WDR36: variants seen among roughly 807,000 people sequenced by gnomAD.
The protein encoded by WDR36 is WD repeat-containing protein 36.
In WDR36, 63 loss-of-function variants were observed where a neutral mutation model predicts 112.7. The observed-to-expected ratio is 0.56, with a 90% CI of 0.46 to 0.69. WDR36 has a LOEUF of 0.69. Ranked by LOEUF, WDR36 falls within the 30% of genes least tolerant of loss-of-function variation. The pLI is 0.00. For synonymous variants in WDR36, 410 were observed against 362.2 expected (o/e 1.13, Z -1.50); for missense variants, 1,226 against 1,070.3 (o/e 1.15, Z -2.03).
intron 2 of WDR36, 122 bp downstream of exon 2, chr5:111,095,069 A>G (rs772586594): frequency 1.1e-5 from 10 of 875,142 alleles, no homozygotes; most frequent in Middle Eastern, 2.2e-4. Context: ...ATAAACTTAC[A>G]TTATCAGCAA....
In WDR36 at chr5:111,126,831, T is replaced by A. The variant is rs1461088321; in HGVS notation, c.2636T>A (p.Leu879His). 2 of 1,613,124 alleles carry A rather than the reference T, an allele frequency of 1.2e-6. No homozygotes were observed. Among genetic ancestry groups the A allele is most frequent in the Non-Finnish European group, 1.7e-6 (2 of 1,179,734 alleles). Residue 879 changes from leucine (L) to histidine (H), a missense_variant, in exon 23 of 23, where the codon CTC (leucine) becomes CAC (histidine). Transcript: ENST00000513710. ...GAAAACTGGACCCATTTGCAATCAC[T>A]CTTCAATCAAAGCATGTGTATTTTA... is the stretch of plus-strand genomic sequence containing the variant. Reference protein sequence around the residue: ...VEENWTHLQSLFNQSMCILNY... With the variant: ...VEENWTHLQSHFNQSMCILNY...
chr5:111,097,632 T>G (rs1753021341), intron 3 of WDR36, among the ~76,000 whole-genome samples: 2 of 152,356 alleles, frequency 1.3e-5, no homozygotes, highest in African/African-American at 4.8e-5. Context: ...GTTCGCTGTT[T>G]AGAGAAAGCT....
intron 1 of WDR36, among the ~76,000 whole-genome samples, chr5:111,094,396 A>G (rs751345905): frequency 2.0e-5 from 3 of 152,156 alleles, no homozygotes; most frequent in Non-Finnish European, 4.4e-5. Context: ...GGGGTCAGCA[A>G]ATTACAGTCT....
intron 3 of WDR36, 67 bp from the exon 4 acceptor site, chr5:111,098,655 T>C (rs1325863716): frequency 6.7e-6 from 7 of 1,040,898 alleles, no homozygotes; most frequent in Admixed American, 5.1e-5. Context: ...GTTTTTGGGA[T>C]AATATGAATA....
chr5:111,107,168 C>A, intron 11 of WDR36, 126 bp from the exon 12 acceptor site: 1 of 1,044,306 alleles, frequency 9.6e-7, no homozygotes, highest in Non-Finnish European at 1.4e-6. Flanking sequence ...AAACATATTG[C>A]TATCAGATAT....
chr5:111,125,387 A>C (rs975135330), intron 21 of WDR36, among the ~76,000 whole-genome samples: 3 of 152,182 alleles, frequency 2.0e-5, no homozygotes, highest in Admixed American at 6.5e-5. Flanking sequence ...TTACAGAAAA[A>C]AAATGTGTTT....
intron 6 of WDR36, among the ~76,000 whole-genome samples, chr5:111,102,726 C>T (rs957255221): frequency 2.0e-5 from 3 of 151,274 alleles, no homozygotes; most frequent in South Asian, 2.1e-4. Flanking sequence ...GCAATGCAAG[C>T]GGTATTGTAA....
At position 111,110,256 on chromosome 5, in the gene WDR36, A is replaced by G; in HGVS notation, c.1394A>G (p.Tyr465Cys). 2 of 1,611,206 alleles carry G rather than the reference A, an allele frequency of 1.2e-6. No homozygotes were observed. Among genetic ancestry groups the G allele is most frequent in the Non-Finnish European group, 1.7e-6 (2 of 1,177,810 alleles). Reference protein sequence around the residue: ...IGLSSGTVDVYNMQSGIHRGS... With the variant: ...IGLSSGTVDVCNMQSGIHRGS... ...CTCTCATCAGGAACTGTAGATGTAT[A>G]TAACATGCAGTCTGGCATACATCGA... is the stretch of plus-strand genomic sequence containing the variant. The change falls in exon 13 of 23, where the codon TAT becomes TGT. Residue 465 changes from tyrosine (Y) to cysteine (C), a missense_variant. Coordinates refer to ENST00000513710, the MANE Select transcript of WDR36 (RefSeq NM_139281.3).
intron 17 of WDR36, among the ~76,000 whole-genome samples, chr5:111,119,745 T>C (rs1188423807): frequency 1.3e-5 from 2 of 152,050 alleles, no homozygotes; most frequent in African/African-American, 4.8e-5. Context: ...AATGTTATAA[T>C]TACATTTGAA....
Position 111,106,120 on chromosome 5 carries a change from C to T in WDR36, c.1157C>T (p.Pro386Leu), listed in dbSNP as rs1561704388. The stretch of plus-strand genomic sequence containing the variant: ...CAGAATACCATGTCAGTGAGACTTC[C>T]ACCCATCACAAAGTTTGCAGCAGGT... ...GLQNTMSVRL[P>L]PITKFAAEEA... Residue 386 changes from proline to leucine, a missense_variant, in exon 11 of 23, where the codon CCA becomes CTA. Coordinates refer to ENST00000513710, the MANE Select transcript of WDR36 (RefSeq NM_139281.3). 1.2e-6 allele frequency: 2 copies of T among 1,609,926 alleles called. No homozygotes were observed. Among genetic ancestry groups the T allele is most frequent in the African/African-American group, 1.3e-5 (1 of 74,772 alleles).
chr5:111,104,432 G>C, intron 8 of WDR36, 80 bp downstream of exon 8: 2 of 1,569,902 alleles, frequency 1.3e-6, no homozygotes, highest in Non-Finnish European at 1.8e-6. Flanking sequence ...TAATGTATCA[G>C]CTTTCAACCT....
intron 16 of WDR36, 28 bp downstream of exon 16, chr5:111,113,181 C>A: frequency 7.4e-7 from 1 of 1,355,954 alleles, no homozygotes; most frequent in South Asian, 1.2e-5. Context: ...ATTCCCTAAC[C>A]TCTATAAGAT....
At chr5:111,122,154 T>G (rs1753580445) in intron 19 of WDR36, among the ~76,000 whole-genome samples, 1 of 152,218 alleles carries the variant, frequency 6.6e-6, no homozygotes, top group Admixed American at 6.5e-5. Flanking sequence ...GTGTGGAATC[T>G]CTTCATCATG....
At position 111,104,707 on chromosome 5, in the gene WDR36, T is replaced by G. The variant is rs769643194; in HGVS notation, c.917T>G (p.Phe306Cys). ...TTTATTTCTTGGCAGATATGGATAT[T>G]TGATGGTCCTACAGGTGAAGGCCGA... ...GADNALRIWIFDGPTGEGRLL... is the reference protein window; with the variant it reads ...GADNALRIWICDGPTGEGRLL... Residue 306 changes from phenylalanine (F) to cysteine (C), a missense_variant, in exon 9 of 23, where the codon TTT becomes TGT. Coordinates refer to ENST00000513710, the MANE Select transcript of WDR36 (RefSeq NM_139281.3). 1.2e-6 allele frequency: 2 copies of G among 1,611,138 alleles called. No homozygotes were observed. Among genetic ancestry groups the G allele is most frequent in the Admixed American group, 1.7e-5 (1 of 59,812 alleles).
chr5:111,100,537 A>G, intron 4 of WDR36, 52 bp from the exon 5 acceptor site: 2 of 1,260,902 alleles, frequency 1.6e-6, no homozygotes, highest in Non-Finnish European at 2.2e-6. Context: ...ATGGTTACAT[A>G]AAACATTTTA....
At chr5:111,126,179 T>G (rs1398054002) in intron 22 of WDR36, among the ~76,000 whole-genome samples, 1 of 152,058 alleles carries the variant, frequency 6.6e-6, no homozygotes, top group South Asian at 2.1e-4. Context: ...CTTTTTTTAG[T>G]GGTTAGTTAC....
Position 111,103,888 on chromosome 5 carries a change from G to T in WDR36, c.700G>T (p.Gly234Ter). The change falls in exon 7 of 23, where the codon GGA becomes TGA. Residue 234 changes from glycine (G) to a stop codon, truncating the protein, a stop_gained. Coordinates refer to ENST00000513710, the MANE Select transcript of WDR36 (RefSeq NM_139281.3). LOFTEE classifies it high-confidence loss of function. ...ETLMKFRQDW[G>*]PITSISFRTD... is the part of the protein sequence containing the mutation. ...ATTAATGAAGTTTCGTCAAGACTGGGGACCCATTACTTCAATTTCATTTCG... is the reference window on the plus strand; with the variant it reads ...ATTAATGAAGTTTCGTCAAGACTGGTGACCCATTACTTCAATTTCATTTCG... 6.2e-7 allele frequency: 1 copy of T among 1,611,094 alleles called. No homozygotes were observed. The highest frequency in any genetic ancestry group is 8.5e-7 in the Non-Finnish European group (1 of 1,178,162).
chr5:111,104,551 C>A, intron 8 of WDR36, 146 bp from the exon 9 acceptor site: 1 of 1,388,150 alleles, frequency 7.2e-7, no homozygotes, highest in Non-Finnish European at 1.0e-6. Flanking sequence ...ATTTCTCCCC[C>A]AATACCCACT....
chr5:111,094,900 C>G lies in WDR36; in HGVS notation c.163-20C>G. The G allele has an allele frequency of 1.3e-6, 2 of 1,584,020 alleles. No homozygotes were observed. Among genetic ancestry groups the G allele is most frequent in the Non-Finnish European group, 1.7e-6 (2 of 1,159,028 alleles). On this transcript the variant is annotated intron_variant, in intron 1 of 22. Transcript: ENST00000513710. Reference sequence around the variant, plus strand: ...TTATGTTTGTTAATGAAAATTTAACCTTTTTTCTTTTTTAAACAGGTTCAG... The same window carrying G: ...TTATGTTTGTTAATGAAAATTTAACGTTTTTTCTTTTTTAAACAGGTTCAG...
Sources: allele counts gnomAD v4.1 joint callset (sites outside exome capture counted in the v4.1 genomes callset), GRCh38; gene constraint gnomAD v4.1.1; transcripts MANE v1.5; gene names NCBI Gene and HGNC (gene_info 2026-07-23, HGNC 2026-07-21).